The following TOPBP1 variants were observed in gnomAD, a reference collection of about 807,000 sequenced individuals.
TOPBP1 encodes DNA topoisomerase 2-binding protein 1.
A neutral mutation model predicts 167.7 loss-of-function variants in TOPBP1; 28 were observed. The observed-to-expected ratio is 0.17, with a 90% CI of 0.12 to 0.23. The LOEUF (loss-of-function observed/expected upper bound fraction) is 0.23, where lower values mean the gene tolerates loss of function less well. TOPBP1 is among the 10% of genes least tolerant of loss of function. The pLI is 1.00. For missense variants in TOPBP1, 1,554 were observed against 1,809.6 expected (o/e 0.86, Z 2.56); for synonymous variants, 598 against 611.4 (o/e 0.98, Z 0.32).
At chr3:133,630,802 G>A (rs1290314316) in intron 14 of TOPBP1, among the ~76,000 whole-genome samples, 2 of 152,108 alleles carry the variant, frequency 1.3e-5, no homozygotes, top group Non-Finnish European at 2.9e-5. Context: ...TTCTTTTGGA[G>A]TGTATGTTAT....
intron 12 of TOPBP1, among the ~76,000 whole-genome samples, chr3:133,641,386 G>A (rs1342153326): frequency 2.6e-5 from 4 of 152,132 alleles, no homozygotes; most frequent in Non-Finnish European, 5.9e-5. Context: ...TGTTTTCTGA[G>A]ACAGGGTCTT....
chr3:133,658,842 A>C (rs1936578424), intron 3 of TOPBP1, among the ~76,000 whole-genome samples, 174 bp downstream of exon 3: 2 of 152,132 alleles, frequency 1.3e-5, no homozygotes, highest in Admixed American at 1.3e-4. Flanking sequence ...AACAAACAAA[A>C]AAAGCCTACT....
At position 133,619,013 on chromosome 3, in the gene TOPBP1, C is replaced by T. The variant is rs560450326; in HGVS notation, c.3372-580G>A. Among the ~76,000 whole-genome samples, 13 of 150,712 alleles carry T rather than the reference C, an allele frequency of 8.6e-5. No homozygotes were observed. The South Asian group carries it at 1.9e-3, about 22-fold the overall frequency. ...TTATGGTGCGATTGTAATGATTCCA[C>T]GTGACAGTAAATAGAAGTCCTATAA... On this transcript the variant is annotated intron_variant, in intron 20 of 27. Coordinates refer to ENST00000260810, the MANE Select transcript of TOPBP1 (RefSeq NM_007027.4).
Position 133,620,235 on chromosome 3 carries a change from A to G in TOPBP1, c.3291T>C (p.Ser1097=). Reference sequence around the variant, plus strand: ...GGGTTGAAGATGCGCTGTTACAACCACTTCTTGAAAGGGAAGTCCTCTGCC... The same window carrying G: ...GGGTTGAAGATGCGCTGTTACAACCGCTTCTTGAAAGGGAAGTCCTCTGCC... The part of the protein sequence containing the change: ...PQGQRTSLSR[S]GCNSASSTPD... Residue 1097 remains serine (S), a synonymous_variant, in exon 20 of 28, where the codon AGT becomes AGC. Transcript: ENST00000260810. 1 of 1,613,854 alleles carries G rather than the reference A, an allele frequency of 6.2e-7. No individual in the cohort carries two copies. Among genetic ancestry groups the G allele is most frequent in the Non-Finnish European group, 8.5e-7 (1 of 1,179,868 alleles).
rs375049034 is a variant in TOPBP1, at chr3:133,657,870, G to A, written c.291C>T (p.Ala97=). Residue 97 remains alanine, a synonymous_variant, in exon 4 of 28, where the codon GCC becomes GCT. Transcript: ENST00000260810. ...CMHHQRCVPR[A]EHPVYNMVMS... The stretch of plus-strand genomic sequence containing the variant: ...TAACCATATTATAAACTGGATGTTC[G>A]GCTCTTGGGACACATCGCTGGTGGT... 392 of 1,600,122 alleles carry A rather than the reference G, an allele frequency of 2.4e-4. No individual in the cohort carries two copies. The highest frequency in any genetic ancestry group is 3.2e-4 in the Non-Finnish European group (373 of 1,174,582).
intron 19 of TOPBP1, among the ~76,000 whole-genome samples, chr3:133,622,521 G>A (rs1385924245): frequency 1.3e-5 from 2 of 151,550 alleles, no homozygotes; most frequent in Non-Finnish European, 2.9e-5. Context: ...TTTTTAATGG[G>A]GGAAAAACAT....
intron 4 of TOPBP1, 43 bp from the exon 5 acceptor site, chr3:133,656,900 T>C: frequency 6.9e-7 from 1 of 1,442,370 alleles, no homozygotes; most frequent in Non-Finnish European, 9.2e-7. Flanking sequence ...AAGCAAACAA[T>C]ATTGCTTCCA....
intron 17 of TOPBP1, among the ~76,000 whole-genome samples, 165 bp downstream of exon 17, chr3:133,623,887 T>C (rs1181640500): frequency 6.6e-6 from 1 of 152,208 alleles, no homozygotes; most frequent in Non-Finnish European, 1.5e-5. Context: ...GGACTAAAGA[T>C]GTTAAGTTTT....
At chr3:133,620,124 A>C in intron 20 of TOPBP1, 31 bp downstream of exon 20, 1 of 1,570,572 alleles carries the variant, frequency 6.4e-7, no homozygotes, top group Non-Finnish European at 8.6e-7. Context: ...CAAGTCATCT[A>C]GTCTTTCTGC....
In TOPBP1 at chr3:133,644,048, A is replaced by G. The variant is rs1365550343; in HGVS notation, c.1820T>C (p.Val607Ala). 1.2e-6 allele frequency: 2 copies of G among 1,607,190 alleles called. No homozygotes were observed. The highest frequency in any genetic ancestry group is 2.2e-5 in the East Asian group (1 of 44,824). The change falls in exon 11 of 28, where the codon GTG becomes GCG. Residue 607 changes from valine to alanine, a missense_variant. By Grantham distance (64) the Val-to-Ala change is moderately conservative. This residue lies in a region of TOPBP1 where 1,197 missense variants were observed against 1,351.5 expected (regional missense o/e 0.89). Transcript: ENST00000260810. The stretch of plus-strand genomic sequence containing the variant: ...CCATGTATTTGTAACAACTTCTCCC[A>G]CAGTGGCTTCCACTTCACACCCCAG... Reference protein sequence around the residue: ...PLLGCEVEATVGEVVTNTWLV... With the variant: ...PLLGCEVEATAGEVVTNTWLV...
chr3:133,648,194 C>G (rs1936147363), intron 10 of TOPBP1, among the ~76,000 whole-genome samples: 1 of 152,132 alleles, frequency 6.6e-6, no homozygotes. Flanking sequence ...AACAATATCT[C>G]TGTGCTTAAA....
At position 133,601,407 on chromosome 3, in the gene TOPBP1, A is replaced by G. The variant is rs375878671; in HGVS notation, c.4426-14T>C. The stretch of plus-strand genomic sequence containing the variant: ...AGGAGGTGATTCCTATAAAAGGAAA[A>G]ATAAGTGATTTTTTAAAATGATTTC... On this transcript the variant is annotated splice_polypyrimidine_tract_variant and intron_variant, in intron 27 of 27. Coordinates refer to ENST00000260810, the MANE Select transcript of TOPBP1 (RefSeq NM_007027.4). 246 of 1,456,528 alleles carry G rather than the reference A, an allele frequency of 1.7e-4. 1 individual carries two copies. The highest frequency in any genetic ancestry group is 1.8e-4 in the Non-Finnish European group (199 of 1,097,720). The allele number at this position is 1,456,528 out of a possible 1,614,324, so 90.2% of individuals were successfully genotyped here.
Position 133,643,358 on chromosome 3 carries a change from G to C in TOPBP1, c.1863C>G (p.Asp621Glu), listed in dbSNP as rs1461818222. Reference sequence around the variant, plus strand: ...ACTTTGGATCAAACAAAGTCTGATAGTCTATGCAAGTAACCTTTTAAAAAC... The same window carrying C: ...ACTTTGGATCAAACAAAGTCTGATACTCTATGCAAGTAACCTTTTAAAAAC... The part of the protein sequence containing the change: ...VTNTWLVTCI[D>E]YQTLFDPKSN... Residue 621 changes from aspartate to glutamate, a missense_variant, in exon 12 of 28, where the codon GAC (aspartate) becomes GAG (glutamate). By Grantham distance (45) the Asp-to-Glu change is conservative. Around this residue, in one of 3 missense-constraint regions of TOPBP1, gnomAD observed 1,197 missense variants for 1,351.5 expected, o/e 0.89. Coordinates refer to ENST00000260810, the MANE Select transcript of TOPBP1 (RefSeq NM_007027.4). 1.0e-5 allele frequency: 16 copies of C among 1,588,912 alleles called. No homozygotes were observed. Among genetic ancestry groups the C allele is most frequent in the Non-Finnish European group, 1.4e-5 (16 of 1,171,344 alleles).
At chr3:133,604,756 TAAAAATAC>T (rs1376670021) in intron 27 of TOPBP1, among the ~76,000 whole-genome samples, 1 of 151,648 alleles carries the variant, frequency 6.6e-6, no homozygotes, top group Non-Finnish European at 1.5e-5. Flanking sequence ...CCGTTTCTAC[TAAAAATAC>T]AAAAATTAGC....
At chr3:133,629,546 G>A (rs1434344102) in intron 14 of TOPBP1, among the ~76,000 whole-genome samples, 1 of 152,124 alleles carries the variant, frequency 6.6e-6, no homozygotes, top group African/African-American at 2.4e-5. Flanking sequence ...GGGAAACACA[G>A]TTAGACCCAA....
Position 133,638,016 on chromosome 3 carries a change from C to T in TOPBP1, c.2380G>A (p.Val794Met), listed in dbSNP as rs765875272. The change falls in exon 14 of 28, where the codon GTG becomes ATG. Residue 794 changes from valine to methionine, a missense_variant. Around this residue, in one of 3 missense-constraint regions of TOPBP1, gnomAD observed 1,197 missense variants for 1,351.5 expected, o/e 0.89. Transcript: ENST00000260810. ...ACCTGTCTGGCATGTTGTGAGACCA[C>T]AGCACGGAAAGCTTTACTCTGAAAG... ...NRFQSKAFRA[V>M]VSQHARQVAA... 2 of 1,613,986 alleles carry T rather than the reference C, an allele frequency of 1.2e-6. No homozygotes were observed. Among genetic ancestry groups the T allele is most frequent in the Admixed American group, 1.7e-5 (1 of 60,020 alleles).
intron 2 of TOPBP1, among the ~76,000 whole-genome samples, chr3:133,660,524 A>G (rs968140089): frequency 6.6e-6 from 1 of 152,252 alleles, no homozygotes; most frequent in Non-Finnish European, 1.5e-5. Context: ...CACACTGAAG[A>G]TCTTGTTAGA....
intron 20 of TOPBP1, 131 bp from the exon 21 acceptor site, chr3:133,618,564 A>C: frequency 1.5e-6 from 1 of 686,894 alleles, no homozygotes; most frequent in Non-Finnish European, 2.3e-6. Flanking sequence ...ATGCATTAAA[A>C]ATATTAAATA....
chr3:133,630,927 G>A (rs1015304004), intron 14 of TOPBP1, among the ~76,000 whole-genome samples: 3 of 152,198 alleles, frequency 2.0e-5, no homozygotes, highest in African/African-American at 7.2e-5. Flanking sequence ...GGGTGTGGTT[G>A]TTCACGCTTG....
Sources: allele counts gnomAD v4.1 joint callset (sites outside exome capture counted in the v4.1 genomes callset), GRCh38; gene constraint gnomAD v4.1.1; regional missense constraint gnomAD v4.1.1; transcripts MANE v1.5; gene names NCBI Gene and HGNC (gene_info 2026-07-23, HGNC 2026-07-21).